PTPRN2: variants seen among roughly 807,000 people sequenced by gnomAD.
The protein encoded by PTPRN2 is receptor-type tyrosine-protein phosphatase N2.
Under a neutral mutation model 118.8 loss-of-function variants are expected in PTPRN2, and 74 were observed. The observed-to-expected ratio is 0.62, with a 90% CI of 0.52 to 0.76. The LOEUF is 0.76. Among genes scored for constraint, PTPRN2 ranks in the 30% least tolerant of loss-of-function variants. The pLI, the probability that PTPRN2 is intolerant of heterozygous loss-of-function variation, is 0.00. For missense variants in PTPRN2, 1,481 were observed against 1,394.4 expected, an observed-to-expected ratio of 1.06 and a Z score of -0.99; for synonymous variants, 641 against 608.0, an observed-to-expected ratio of 1.05 and a Z score of -0.80.
At chr7:158,177,332 C>A (rs1824302970) in intron 5 of PTPRN2, among the ~76,000 whole-genome samples, 1 of 152,032 alleles carries the variant, frequency 6.6e-6, no homozygotes, top group Non-Finnish European at 1.5e-5. Context: ...ATGCTAAGCA[C>A]CTTTGATGCC....
At chr7:158,403,300 C>A (rs1223574495) in intron 2 of PTPRN2, among the ~76,000 whole-genome samples, 5 of 152,220 alleles carry the variant, frequency 3.3e-5, no homozygotes. Context: ...CCATGCAGGC[C>A]CTGCCGTACT....
Position 157,569,061 on chromosome 7 carries a change from G to T in PTPRN2, c.2838-95C>A, listed in dbSNP as rs1470314415. ...GACAGTTCATTTCCTTCCTGCTTAC[G>T]GGGGCCGGCGAGAGGAAAGGATGGC... On this transcript the variant is annotated intron_variant, in intron 20 of 22. Transcript: ENST00000389418. 9 of 1,199,432 alleles carry T rather than the reference G, an allele frequency of 7.5e-6. No homozygotes were observed. In the East Asian group the frequency reaches 1.9e-4, roughly 25 times the overall value. The allele number at this position is 1,199,432 out of a possible 1,614,324, so 74.3% of individuals were successfully genotyped here. A position where few individuals can be genotyped will look rare whatever the true frequency, so the allele number is the denominator to read the frequency against.
At chr7:157,774,701 T>C (rs1003225695) in intron 12 of PTPRN2, among the ~76,000 whole-genome samples, 2 of 151,864 alleles carry the variant, frequency 1.3e-5, no homozygotes, top group Non-Finnish European at 2.9e-5. Flanking sequence ...GACCCCAGAG[T>C]GACTCAGCCT....
rs146918907 is a variant in PTPRN2 at position 158,141,438 on chromosome 7, G to A, written c.911-2923C>T. Reference sequence around the variant, plus strand: ...CCGGCACCCGGTCCCCACGTGCCCCGTTCACTGCATACGCAGGACAGGAGT... The same window carrying A: ...CCGGCACCCGGTCCCCACGTGCCCCATTCACTGCATACGCAGGACAGGAGT... On this transcript the variant is annotated intron_variant, in intron 6 of 22. Coordinates refer to ENST00000389418, the MANE Select transcript of PTPRN2 (RefSeq NM_002847.5). Among the ~76,000 whole-genome samples, 346 of 152,288 alleles carry A rather than the reference G, an allele frequency of 2.3e-3. 1 individual carries two copies. The highest frequency in any genetic ancestry group is 3.5e-3 in the Admixed American group (53 of 15,298).
chr7:158,074,933 C>T (rs1812227927), intron 11 of PTPRN2, among the ~76,000 whole-genome samples: 1 of 152,230 alleles, frequency 6.6e-6, no homozygotes, highest in East Asian at 1.9e-4. Context: ...AGTTTCCTAG[C>T]CCTTGGTTTA....
At chr7:157,976,135 G>A (rs540206022) in intron 11 of PTPRN2, among the ~76,000 whole-genome samples, 9 of 152,352 alleles carry the variant, frequency 5.9e-5, no homozygotes, top group South Asian at 2.1e-4. Context: ...GTGAAACGCC[G>A]GGAAAGGGGC....
chr7:158,171,195 TATA>T (rs1823579675), intron 5 of PTPRN2, among the ~76,000 whole-genome samples: 1 of 121,158 alleles, frequency 8.3e-6, no homozygotes, highest in East Asian at 2.6e-4. Flanking sequence ...CACACATACA[TATA>T]TATACACTAT....
At chr7:157,809,294 C>T (rs1805826994) in intron 12 of PTPRN2, among the ~76,000 whole-genome samples, 1 of 150,478 alleles carries the variant, frequency 6.6e-6, no homozygotes, top group South Asian at 2.1e-4. Flanking sequence ...GCCGTGTGAG[C>T]TCCCACGTAG....
chr7:158,042,707 A>G (rs1488708285), intron 11 of PTPRN2, among the ~76,000 whole-genome samples: 1 of 152,182 alleles, frequency 6.6e-6, no homozygotes, highest in Non-Finnish European at 1.5e-5. Flanking sequence ...GCCGGCTGAT[A>G]GACACCATAG....
chr7:157,827,961 C>A (rs773761499), intron 12 of PTPRN2, among the ~76,000 whole-genome samples: 1 of 152,182 alleles, frequency 6.6e-6, no homozygotes, highest in South Asian at 2.1e-4. Flanking sequence ...GACAGGTCTC[C>A]GCAAGGCAGC....
intron 10 of PTPRN2, among the ~76,000 whole-genome samples, chr7:158,084,138 C>T (rs1239812602): frequency 6.6e-6 from 1 of 152,194 alleles, no homozygotes; most frequent in Non-Finnish European, 1.5e-5. Context: ...GGTGGCCAGG[C>T]CCAGCGGGTC....
At chr7:157,775,655 G>A (rs553769993) in intron 12 of PTPRN2, among the ~76,000 whole-genome samples, 8 of 152,284 alleles carry the variant, frequency 5.3e-5, no homozygotes, top group South Asian at 2.1e-4. Context: ...TGAGGCGGGC[G>A]CAGCCTCGGG....
intron 5 of PTPRN2, among the ~76,000 whole-genome samples, chr7:158,184,038 C>T (rs1824937437): frequency 6.7e-6 from 1 of 150,280 alleles, no homozygotes; most frequent in South Asian, 2.1e-4. Context: ...TTAAAAAGTG[C>T]TATTTGCAAG....
intron 17 of PTPRN2, among the ~76,000 whole-genome samples, chr7:157,579,648 T>A (rs1800245788): frequency 6.6e-6 from 1 of 152,246 alleles, no homozygotes; most frequent in Non-Finnish European, 1.5e-5. Context: ...GCCGCACTCA[T>A]TGGCTCTCGC....
intron 2 of PTPRN2, among the ~76,000 whole-genome samples, chr7:158,487,654 T>A (rs888574210): frequency 3.3e-5 from 5 of 152,140 alleles, no homozygotes; most frequent in African/African-American, 1.2e-4. Flanking sequence ...GGTGACAGAA[T>A]GTTCTAGACT....
chr7:158,481,236 G>GGATGA (rs1470869159), intron 2 of PTPRN2, among the ~76,000 whole-genome samples: 1 of 152,186 alleles, frequency 6.6e-6, no homozygotes, highest in Non-Finnish European at 1.5e-5. Context: ...GAACAAAGCT[G>GGATGA]GATGACAGCA....
intron 2 of PTPRN2, among the ~76,000 whole-genome samples, chr7:158,382,322 G>C (rs749191350): frequency 2.6e-5 from 4 of 152,128 alleles, no homozygotes; most frequent in Non-Finnish European, 5.9e-5. Context: ...ACCATGTCCT[G>C]GGTAAGCCAC....
At chr7:158,187,227 A>G (rs1825242242) in intron 5 of PTPRN2, among the ~76,000 whole-genome samples, 1 of 152,252 alleles carries the variant, frequency 6.6e-6, no homozygotes. Context: ...AATAAAATAA[A>G]ATAATTCTGT....
intron 3 of PTPRN2, among the ~76,000 whole-genome samples, chr7:158,310,601 C>T (rs904905254): frequency 6.6e-6 from 1 of 152,214 alleles, no homozygotes; most frequent in Non-Finnish European, 1.5e-5. Context: ...TGGGCCTGCT[C>T]GGGAGGTTCC....
Sources: gnomAD v4.1 joint callset for allele counts (sites outside exome capture counted in the v4.1 genomes callset) on GRCh38, gnomAD v4.1.1 for gene constraint, MANE v1.5 for transcripts, NCBI Gene and HGNC (gene_info 2026-07-23, HGNC 2026-07-21) for gene names.